Variants in EXO1 observed in about 807,000 individuals in gnomAD.
EXO1 encodes the protein exonuclease 1.
EXO1 carries 69 observed loss-of-function variants against 84.5 expected under a neutral mutation model. That is an observed-to-expected ratio of 0.82 (90% CI 0.67 to 1.00). EXO1 has a LOEUF of 1.00. EXO1 is among the 50% of genes least tolerant of loss of function. The pLI, the probability that EXO1 is intolerant of heterozygous loss-of-function variation, is 0.00. For synonymous variants in EXO1, 373 were observed against 366.1 expected (o/e 1.02, Z -0.21); for missense variants, 1,045 against 1,000.7 (o/e 1.04, Z -0.60).
At chr1:241,865,459 C>G (rs750485649) in intron 10 of EXO1, among the ~76,000 whole-genome samples, 12 of 151,490 alleles carry the variant, frequency 7.9e-5, no homozygotes, top group Non-Finnish European at 1.6e-4. Flanking sequence ...GATCCACCTG[C>G]CTCAGCCTCC....
intron 13 of EXO1, among the ~76,000 whole-genome samples, chr1:241,881,598 C>A (rs938710527): frequency 6.6e-6 from 1 of 152,198 alleles, no homozygotes; most frequent in East Asian, 1.9e-4. Context: ...CTTAACCACA[C>A]GTGCGTAACG....
At chr1:241,865,576 G>A (rs1661665745) in intron 10 of EXO1, among the ~76,000 whole-genome samples, 1 of 152,150 alleles carries the variant, frequency 6.6e-6, no homozygotes, top group East Asian at 1.9e-4. Context: ...ATAGTTGACA[G>A]TGTTGAGTAT....
intron 3 of EXO1, 124 bp from the exon 4 acceptor site, chr1:241,850,285 A>AC (rs1367419776): frequency 1.2e-5 from 8 of 685,814 alleles, no homozygotes; most frequent in Admixed American, 2.7e-5. Flanking sequence ...GTCTCAAAAA[A>AC]AAAAAAAAAC....
chr1:241,860,253 C>T (rs1446875296), intron 8 of EXO1, among the ~76,000 whole-genome samples: 1 of 151,670 alleles, frequency 6.6e-6, no homozygotes, highest in African/African-American at 2.4e-5. Context: ...CAAAGTTACA[C>T]CTAGAAGCAC....
chr1:241,854,891 A>G (rs1660882363), intron 6 of EXO1: 1 of 153,428 alleles, frequency 6.5e-6, no homozygotes, highest in African/African-American at 2.4e-5. Flanking sequence ...CTGGCTCAGA[A>G]GTGAAGCTGC....
chr1:241,850,212 C>A (rs1029225032), intron 3 of EXO1, among the ~76,000 whole-genome samples, 197 bp from the exon 4 acceptor site: 2 of 150,924 alleles, frequency 1.3e-5, no homozygotes, highest in South Asian at 4.2e-4. Flanking sequence ...ACCCGGGAGG[C>A]GGAGCTTGCA....
rs755850791 is a variant in EXO1 at position 241,858,653 on chromosome 1, C to T, written c.691C>T (p.Arg231Cys). ...AGGTTGTGACTACCTGTCATCACTG[C>T]GTGGGATTGGATTAGCAAAGGCATG... is the stretch of plus-strand genomic sequence containing the variant. ...LSGCDYLSSL[R>C]GIGLAKACKV... Residue 231 changes from arginine (R) to cysteine (C), a missense_variant, in exon 8 of 16, where the codon CGT becomes TGT. Physicochemically the swap from Arg to Cys is radical, Grantham distance 180. Transcript: ENST00000366548. 16 of 1,613,780 alleles carry T rather than the reference C, an allele frequency of 9.9e-6. No individual in the cohort carries two copies. In the Admixed American group the frequency reaches 1.3e-4, roughly 13 times the overall value.
chr1:241,888,987 G>A (rs182014355), intron 15 of EXO1, among the ~76,000 whole-genome samples: 93 of 152,160 alleles, frequency 6.1e-4, no homozygotes, highest in Middle Eastern at 3.4e-3. Flanking sequence ...CAAGATAATC[G>A]CTTGAACCCA....
chr1:241,852,630 T>C (rs1660736691), intron 5 of EXO1, among the ~76,000 whole-genome samples: 1 of 152,214 alleles, frequency 6.6e-6, no homozygotes. Context: ...TACTCCAGCC[T>C]GGGCAACATA....
chr1:241,882,248 A>G (rs1455000058), intron 14 of EXO1, among the ~76,000 whole-genome samples: 3 of 152,166 alleles, frequency 2.0e-5, no homozygotes, highest in Non-Finnish European at 4.4e-5. Context: ...CATTAATGTA[A>G]TGACTTTATA....
intron 2 of EXO1, 36 bp downstream of exon 2, chr1:241,849,063 ACC>A (rs1660504753): frequency 6.6e-6 from 1 of 152,198 alleles, no homozygotes. Context: ...TGGCTTGAGG[ACC>A]ACCTGCATCC....
At chr1:241,866,502 A>T (rs1374856808) in intron 10 of EXO1, among the ~76,000 whole-genome samples, 3 of 138,204 alleles carry the variant, frequency 2.2e-5, no homozygotes, top group South Asian at 2.4e-4. Flanking sequence ...GAAGATTTTT[A>T]TTTATTTATT....
At chr1:241,859,052 C>T (rs561510893) in intron 8 of EXO1, among the ~76,000 whole-genome samples, 2 of 152,054 alleles carry the variant, frequency 1.3e-5, no homozygotes, top group Non-Finnish European at 2.9e-5. Flanking sequence ...ACTGTTTGGT[C>T]GCAGGATCCC....
chr1:241,887,130 T>G (rs1044968539), intron 15 of EXO1, among the ~76,000 whole-genome samples: 3 of 152,212 alleles, frequency 2.0e-5, no homozygotes, highest in Admixed American at 2.0e-4. Context: ...ATCAACTGAC[T>G]TTTTGTACTC....
rs552292568 is a variant in EXO1, at chr1:241,879,140, A to C, written c.1906A>C (p.Lys636Gln). ...PSTALQQFRR[K>Q]SDSPTSLPEN... ...CACAGCATTGCAGCAGTTCCGAAGA[A>C]AGAGCGATTCCCCCACCTCTTTGCC... The change falls in exon 13 of 16, where the codon AAG becomes CAG. Residue 636 changes from lysine (K) to glutamine (Q), a missense_variant. Transcript: ENST00000366548. The C allele has an allele frequency of 6.2e-7, 1 of 1,609,762 alleles. No individual in the cohort carries two copies. Among genetic ancestry groups the C allele is most frequent in the South Asian group, 1.1e-5 (1 of 91,054 alleles).
Position 241,864,510 on chromosome 1 carries a change from ATGTT to A in EXO1, c.1042-2315_1042-2312del, listed in dbSNP as rs1267805996. ...TTGTTCTGGTTCTGAAGGCAGGTAG[ATGTT>A]TGTTGACTGTATAGTCAGGTTGGAG... is the stretch of plus-strand genomic sequence containing the variant. On this transcript the variant is annotated intron_variant, in intron 10 of 15. Coordinates refer to ENST00000366548, the MANE Select transcript of EXO1 (RefSeq NM_130398.4). Among the ~76,000 whole-genome samples the A allele has an allele frequency of 4.6e-5, 7 of 152,316 alleles. No homozygotes were observed. In the South Asian group the frequency reaches 1.5e-3, roughly 32 times the overall value.
chr1:241,875,515 G>C (rs934487865), intron 12 of EXO1, among the ~76,000 whole-genome samples: 2 of 152,276 alleles, frequency 1.3e-5, no homozygotes, highest in East Asian at 3.9e-4. Flanking sequence ...AGTCACCCTT[G>C]TTAAAGGTGC....
At chr1:241,876,596 T>G (rs1392020165) in intron 12 of EXO1, among the ~76,000 whole-genome samples, 1 of 152,080 alleles carries the variant, frequency 6.6e-6, no homozygotes, top group Admixed American at 6.6e-5. Flanking sequence ...AAAATTTCTT[T>G]TTAAATTAAC....
At chr1:241,876,474 C>CG (rs1558141070) in intron 12 of EXO1, among the ~76,000 whole-genome samples, 1 of 151,338 alleles carries the variant, frequency 6.6e-6, no homozygotes, top group African/African-American at 2.4e-5. Flanking sequence ...CCCAGCTTCT[C>CG]GGGGGGCCGA....
Sources: allele counts gnomAD v4.1 joint callset (sites outside exome capture counted in the v4.1 genomes callset), GRCh38; gene constraint gnomAD v4.1.1; transcripts MANE v1.5; gene names NCBI Gene and HGNC (gene_info 2026-07-23, HGNC 2026-07-21).